Variants in NCKAP5 observed in about 807,000 individuals in gnomAD.
NCKAP5 encodes nck-associated protein 5.
Under a neutral mutation model 167.0 loss-of-function variants are expected in NCKAP5, and 92 were observed. That is an observed-to-expected ratio of 0.55 (90% CI 0.47 to 0.66). The LOEUF (loss-of-function observed/expected upper bound fraction) is 0.66, where lower values mean the gene tolerates loss of function less well. Among genes scored for constraint, NCKAP5 ranks in the 30% least tolerant of loss-of-function variants. The probability of loss-of-function intolerance (pLI) is 0.00; values close to 1 mark genes in which losing one functional copy is unlikely to be tolerated. For missense variants in NCKAP5, 2,378 were observed against 2,315.0 expected, an observed-to-expected ratio of 1.03 and a Z score of -0.56; for synonymous variants, 891 against 877.4, an observed-to-expected ratio of 1.02 and a Z score of -0.27.
Position 132,783,306 on chromosome 2 carries a change from T to C in NCKAP5, c.3505A>G (p.Lys1169Glu), listed in dbSNP as rs200903661. The change falls in exon 14 of 20, where the codon AAA (lysine) becomes GAA (glutamate). Residue 1169 changes from lysine (K) to glutamate (E), a missense_variant. Around this residue, in one of 3 missense-constraint regions of NCKAP5, gnomAD observed 1,325 missense variants for 1,274.5 expected, o/e 1.04. Coordinates refer to ENST00000409261, the MANE Select transcript of NCKAP5 (RefSeq NM_207363.3). ...LLRKSSTVPG[K>E]HEKDSLNEAS... ...TCATTTAAACTGTCTTTTTCATGTT[T>C]CCCTGGCACGGTGGAACTTTTCCTG... 5.0e-6 allele frequency: 8 copies of C among 1,613,834 alleles called. No individual in the cohort carries two copies. Among genetic ancestry groups the C allele is most frequent in the African/African-American group, 1.3e-5 (1 of 74,914 alleles).
rs78944727 is a variant in NCKAP5, at chr2:133,288,990, C to T, written c.143+14047G>A. 5.3e-4 allele frequency among the ~76,000 whole-genome samples: 81 copies of T among 152,304 alleles called. No homozygotes were observed. The East Asian group carries it at 0.013, about 25-fold the overall frequency. The stretch of plus-strand genomic sequence containing the variant: ...CCATTCTCATTACCAATGGGAAACT[C>T]AGGCCCAGAAAGCCTAAATGACTTT... On this transcript the variant is annotated intron_variant, in intron 4 of 19. Coordinates refer to ENST00000409261, the MANE Select transcript of NCKAP5 (RefSeq NM_207363.3).
intron 3 of NCKAP5, among the ~76,000 whole-genome samples, chr2:133,417,406 G>A (rs541231453): frequency 1.8e-4 from 27 of 152,170 alleles, no homozygotes; most frequent in Non-Finnish European, 3.5e-4. Context: ...TAAAGACTGC[G>A]CAGCCTGGAA....
intron 13 of NCKAP5, among the ~76,000 whole-genome samples, chr2:132,787,475 G>A (rs1009415028): frequency 6.6e-6 from 1 of 152,036 alleles, no homozygotes; most frequent in Non-Finnish European, 1.5e-5. Flanking sequence ...ACACGCTTAT[G>A]TGCAGTGGTT....
At chr2:133,421,397 G>C (rs1197450063) in intron 3 of NCKAP5, among the ~76,000 whole-genome samples, 1 of 152,074 alleles carries the variant, frequency 6.6e-6, no homozygotes, top group East Asian at 1.9e-4. Context: ...TTCCTCACCT[G>C]AGCATTCAAA....
At chr2:133,318,359 A>C (rs2150656341) in intron 3 of NCKAP5, among the ~76,000 whole-genome samples, 1 of 152,210 alleles carries the variant, frequency 6.6e-6, no homozygotes, top group East Asian at 1.9e-4. Flanking sequence ...TCTGCTCTCA[A>C]CTCTAGCTTG....
intron 3 of NCKAP5, among the ~76,000 whole-genome samples, chr2:133,463,402 A>G (rs182060019): frequency 6.6e-6 from 1 of 152,354 alleles, no homozygotes; most frequent in East Asian, 1.9e-4. Flanking sequence ...AAGAAAAACT[A>G]TATTTGTAAA....
At chr2:133,147,313 A>G (rs1053176283) in intron 5 of NCKAP5, among the ~76,000 whole-genome samples, 1 of 152,096 alleles carries the variant, frequency 6.6e-6, no homozygotes, top group African/African-American at 2.4e-5. Context: ...TGTCACGGGC[A>G]CCGCATCTTG....
At chr2:133,659,032 T>C in the NCKAP5 span, among the ~76,000 whole-genome samples, 1 of 152,104 alleles carries the variant, frequency 6.6e-6, no homozygotes, top group Non-Finnish European at 1.5e-5. Context: ...ATGATGAATA[T>C]CCTTTTTGTG....
At chr2:133,151,804 CA>C (rs1282059147) in intron 5 of NCKAP5, among the ~76,000 whole-genome samples, 2 of 152,016 alleles carry the variant, frequency 1.3e-5, no homozygotes, top group South Asian at 4.2e-4. Flanking sequence ...TACATCCACA[CA>C]AAAAAAATGC....
chr2:132,840,292 T>TTTTC (rs770227651), intron 11 of NCKAP5, among the ~76,000 whole-genome samples: 1 of 147,400 alleles, frequency 6.8e-6, no homozygotes, highest in South Asian at 2.2e-4. Context: ...TTTTTTTTTT[T>TTTTC]TGAGATAGAG....
At chr2:133,456,256 C>A (rs1268917944) in intron 3 of NCKAP5, among the ~76,000 whole-genome samples, 1 of 152,138 alleles carries the variant, frequency 6.6e-6, no homozygotes, top group Non-Finnish European at 1.5e-5. Context: ...ATGTCCCAGG[C>A]CCCCATGCAG....
At chr2:133,138,841 C>T (rs2082893205) in intron 5 of NCKAP5, among the ~76,000 whole-genome samples, 1 of 152,186 alleles carries the variant, frequency 6.6e-6, no homozygotes, top group Non-Finnish European at 1.5e-5. Context: ...CACAGTTGCT[C>T]ACTACGGGTC....
intron 4 of NCKAP5, among the ~76,000 whole-genome samples, chr2:133,230,303 A>C (rs2150245127): frequency 6.6e-6 from 1 of 152,188 alleles, no homozygotes; most frequent in South Asian, 2.1e-4. Flanking sequence ...CCATAACATA[A>C]CCTCCTCTCT....
chr2:133,321,578 A>T (rs1436322593), intron 3 of NCKAP5, among the ~76,000 whole-genome samples: 1 of 152,192 alleles, frequency 6.6e-6, no homozygotes, highest in African/African-American at 2.4e-5. Context: ...TGAAGACTAC[A>T]TCTATCCCTT....
At chr2:133,226,198 C>T (rs1243416834) in intron 4 of NCKAP5, among the ~76,000 whole-genome samples, 1 of 152,144 alleles carries the variant, frequency 6.6e-6, no homozygotes, top group Non-Finnish European at 1.5e-5. Context: ...ACTTCAGCCT[C>T]CCCAAGTGCT....
intron 19 of NCKAP5, among the ~76,000 whole-genome samples, chr2:132,718,685 G>A (rs1284128037): frequency 1.3e-5 from 2 of 152,162 alleles, no homozygotes; most frequent in Non-Finnish European, 2.9e-5. Context: ...TAGCCATGCT[G>A]GGTCTTTCTT....
At chr2:132,959,125 G>A (rs554371668) in intron 8 of NCKAP5, among the ~76,000 whole-genome samples, 1 of 145,826 alleles carries the variant, frequency 6.9e-6, no homozygotes, top group South Asian at 2.2e-4. Context: ...TATATCTATC[G>A]ACTACCAGTT....
chr2:132,851,247 T>C (rs1291789400), intron 11 of NCKAP5, among the ~76,000 whole-genome samples: 1 of 152,184 alleles, frequency 6.6e-6, no homozygotes, highest in Non-Finnish European at 1.5e-5. Context: ...AGATTTCTAT[T>C]AGGATTTTTG....
chr2:133,205,498 C>T (rs946010537), intron 5 of NCKAP5, among the ~76,000 whole-genome samples: 5 of 152,126 alleles, frequency 3.3e-5, no homozygotes, highest in African/African-American at 1.2e-4. Context: ...ATATCTTTGT[C>T]CCAACATCAC....
Sources: allele counts gnomAD v4.1 joint callset (sites outside exome capture counted in the v4.1 genomes callset), GRCh38; gene constraint gnomAD v4.1.1; regional missense constraint gnomAD v4.1.1; transcripts MANE v1.5; gene names NCBI Gene and HGNC (gene_info 2026-07-23, HGNC 2026-07-21).